SLC25A48: variants seen among roughly 807,000 people sequenced by gnomAD.
The protein encoded by SLC25A48 is CTC-321K16.1.
A neutral mutation model predicts 32.2 loss-of-function variants in SLC25A48; 29 were observed. The observed-to-expected ratio is 0.90, with a 90% CI of 0.67 to 1.23. The LOEUF (loss-of-function observed/expected upper bound fraction) is 1.23, where lower values mean the gene tolerates loss of function less well. Ranked by LOEUF, SLC25A48 falls within the 50% of genes most tolerant of loss-of-function variation. The pLI, the probability that SLC25A48 is intolerant of heterozygous loss-of-function variation, is 0.00. For missense variants in SLC25A48, 399 were observed against 422.7 expected, an observed-to-expected ratio of 0.94 and a Z score of 0.49; for synonymous variants, 164 against 172.3, an observed-to-expected ratio of 0.95 and a Z score of 0.38.
chr5:135,704,128 A>G (rs954192708), intron 3 of SLC25A48, among the ~76,000 whole-genome samples: 4 of 152,154 alleles, frequency 2.6e-5, no homozygotes, highest in African/African-American at 9.7e-5. Flanking sequence ...GGGTTCACAC[A>G]CTGTTCTGGG....
chr5:135,662,964 C>T (rs1178026904), intron 3 of SLC25A48, among the ~76,000 whole-genome samples: 1 of 152,166 alleles, frequency 6.6e-6, no homozygotes, highest in Non-Finnish European at 1.5e-5. Context: ...AGCAATTCTG[C>T]CTGGTGCCCT....
At chr5:135,823,313 T>C (rs12521005) in intron 4 of SLC25A48, among the ~76,000 whole-genome samples, 113,175 of 152,054 alleles carry the variant, frequency 0.74, 42,901 homozygotes, top group Middle Eastern at 0.86. Context: ...GCATAGTCAA[T>C]GTGGGAATGA....
chr5:135,714,618 A>G (rs1047222174), intron 3 of SLC25A48: 18 of 152,236 alleles, frequency 1.2e-4, no homozygotes, highest in African/African-American at 3.1e-4. Flanking sequence ...CCTGGCTGCA[A>G]AAAGCAGGTG....
intron 5 of SLC25A48, 119 bp downstream of exon 5, chr5:135,871,837 C>T: frequency 6.5e-7 from 1 of 1,538,336 alleles, no homozygotes; most frequent in Non-Finnish European, 8.8e-7. Context: ...GGTACTCACC[C>T]AACAATTCTT....
intron 1 of SLC25A48, among the ~76,000 whole-genome samples, chr5:135,624,056 G>T (rs60419371): frequency 0.38 from 57,873 of 151,958 alleles, 11,104 homozygotes; most frequent in African/African-American, 0.42. Flanking sequence ...TGGGAGCGGG[G>T]GGTTGGTGTG....
intron 3 of SLC25A48, among the ~76,000 whole-genome samples, chr5:135,722,349 A>G (rs961476853): frequency 3.3e-5 from 5 of 152,180 alleles, no homozygotes; most frequent in Non-Finnish European, 7.3e-5. Context: ...TTACACTATT[A>G]GCAGCACTTT....
intron 3 of SLC25A48, among the ~76,000 whole-genome samples, chr5:135,805,418 A>G (rs774762986): frequency 3.3e-5 from 5 of 151,550 alleles, no homozygotes; most frequent in Admixed American, 1.3e-4. Flanking sequence ...TAATATGAAG[A>G]TATTACTCCT....
intron 3 of SLC25A48, among the ~76,000 whole-genome samples, chr5:135,801,858 C>T (rs986399689): frequency 4.0e-5 from 6 of 150,898 alleles, no homozygotes; most frequent in South Asian, 2.1e-4. Context: ...ATCCGGGGGG[C>T]GGGGATGATA....
At chr5:135,688,253 C>G (rs755528590) in intron 3 of SLC25A48, among the ~76,000 whole-genome samples, 4 of 152,158 alleles carry the variant, frequency 2.6e-5, no homozygotes, top group Non-Finnish European at 5.9e-5. Flanking sequence ...GTCTATATCA[C>G]ATTTTGCTTA....
At chr5:135,717,789 G>A (rs892404975) in intron 3 of SLC25A48, among the ~76,000 whole-genome samples, 4 of 152,192 alleles carry the variant, frequency 2.6e-5, no homozygotes, top group African/African-American at 7.2e-5. Context: ...ATTTGATTTC[G>A]GACTTCTTGC....
chr5:135,769,265 G>GGTT (rs1554073346), intron 3 of SLC25A48, among the ~76,000 whole-genome samples: 1 of 145,036 alleles, frequency 6.9e-6, no homozygotes, highest in Non-Finnish European at 1.5e-5. Flanking sequence ...ATATTGGGGG[G>GGTT]GGAGAATGAT....
At chr5:135,799,427 G>C (rs983049322) in intron 3 of SLC25A48, among the ~76,000 whole-genome samples, 1 of 151,236 alleles carries the variant, frequency 6.6e-6, no homozygotes, top group Non-Finnish European at 1.5e-5. Context: ...ATGCCCGGTG[G>C]GGGGAGAAGA....
At chr5:135,883,382 A>C in intron 7 of SLC25A48, 2 of 985,486 alleles carry the variant, frequency 2.0e-6, no homozygotes, top group Non-Finnish European at 2.4e-6. Flanking sequence ...GGCCATTGTA[A>C]ACTCACTGTG....
At chr5:135,640,535 C>T (rs997943193) in intron 3 of SLC25A48, among the ~76,000 whole-genome samples, 8 of 152,028 alleles carry the variant, frequency 5.3e-5, no homozygotes, top group African/African-American at 1.7e-4. Context: ...AAATATTATA[C>T]AAGAGGAAAC....
chr5:135,733,680 G>C (rs1321083170), intron 3 of SLC25A48, among the ~76,000 whole-genome samples: 2 of 152,206 alleles, frequency 1.3e-5, no homozygotes, highest in African/African-American at 2.4e-5. Flanking sequence ...ACAGGGTGCA[G>C]TCCCAGCTCT....
intron 3 of SLC25A48, among the ~76,000 whole-genome samples, chr5:135,759,219 G>GC (rs1263160039): frequency 1.3e-5 from 2 of 152,052 alleles, no homozygotes; most frequent in Non-Finnish European, 2.9e-5. Context: ...TATGATATCT[G>GC]TGTGTGTATA....
chr5:135,699,084 A>C (rs962509278), intron 3 of SLC25A48, among the ~76,000 whole-genome samples: 1 of 152,248 alleles, frequency 6.6e-6, no homozygotes, highest in Non-Finnish European at 1.5e-5. Flanking sequence ...CTCATACAAT[A>C]CTGGTAAGAA....
At chr5:135,764,654 C>T (rs1177726427) in intron 3 of SLC25A48, among the ~76,000 whole-genome samples, 2 of 150,122 alleles carry the variant, frequency 1.3e-5, no homozygotes, top group Admixed American at 6.6e-5. Context: ...GGTGATATTA[C>T]TTCCCATATC....
At chr5:135,673,051 G>A (rs139163212) in intron 3 of SLC25A48, among the ~76,000 whole-genome samples, 1 of 152,178 alleles carries the variant, frequency 6.6e-6, no homozygotes, top group African/African-American at 2.4e-5. Context: ...CCATGCTATT[G>A]CACATATCAA....
Sources: allele counts gnomAD v4.1 joint callset (sites outside exome capture counted in the v4.1 genomes callset), GRCh38; gene constraint gnomAD v4.1.1; transcripts MANE v1.5; gene names NCBI Gene and HGNC (gene_info 2026-07-23, HGNC 2026-07-21).